Variants in ADGRL2 observed in about 807,000 individuals in gnomAD.
ADGRL2 encodes the protein adhesion G protein-coupled receptor L2.
ADGRL2 carries 44 observed loss-of-function variants against 157.4 expected under a neutral mutation model. That is an observed-to-expected ratio of 0.28 (90% CI 0.22 to 0.36). The LOEUF is 0.36. Among genes scored for constraint, ADGRL2 ranks in the 10% least tolerant of loss-of-function variants. The pLI is 1.00. For missense variants in ADGRL2, 1,510 were observed against 1,768.9 expected (o/e 0.85, Z 2.63); for synonymous variants, 585 against 624.7 (o/e 0.94, Z 0.95).
chr1:81,808,278 T>G (rs1473551901), intron 1 of ADGRL2, among the ~76,000 whole-genome samples: 1 of 151,984 alleles, frequency 6.6e-6, no homozygotes, highest in African/African-American at 2.4e-5. Flanking sequence ...AAAAAATCAA[T>G]TTAGGTTGAA....
chr1:81,969,761 T>C (rs1658175244), intron 15 of ADGRL2, among the ~76,000 whole-genome samples: 1 of 152,186 alleles, frequency 6.6e-6, no homozygotes, highest in African/African-American at 2.4e-5. Flanking sequence ...TCATGAGGTC[T>C]TAATATCAGA....
At position 81,944,693 on chromosome 1, in the gene ADGRL2, A is replaced by G. The variant is rs1357683057; in HGVS notation, c.1210+924A>G. Among the ~76,000 whole-genome samples, 3 of 152,072 alleles carry G rather than the reference A, an allele frequency of 2.0e-5. No homozygotes were observed. In the East Asian group the frequency reaches 5.8e-4, roughly 29 times the overall value. The stretch of plus-strand genomic sequence containing the variant: ...AATCTTGAAATTATTGCATTATTTC[A>G]AAATTTTAGGAACTAGAAAGTTCTT... On this transcript the variant is annotated intron_variant, in intron 6 of 23. Transcript: ENST00000686636.
At chr1:81,372,978 G>A (rs1337152387) in intron 1 of ADGRL2, among the ~76,000 whole-genome samples, 1 of 152,112 alleles carries the variant, frequency 6.6e-6, no homozygotes, top group Non-Finnish European at 1.5e-5. Flanking sequence ...GAGAGAGCTT[G>A]TTAAAACAGA....
chr1:81,347,485 C>T (rs772162901), intron 1 of ADGRL2, among the ~76,000 whole-genome samples: 3 of 152,078 alleles, frequency 2.0e-5, no homozygotes, highest in Non-Finnish European at 1.5e-5. Flanking sequence ...TTATAAAATA[C>T]GAAGGAGCTG....
chr1:81,496,484 T>C (rs1418945878), intron 2 of ADGRL2, among the ~76,000 whole-genome samples: 2 of 152,170 alleles, frequency 1.3e-5, no homozygotes, highest in African/African-American at 2.4e-5. Context: ...TTCTGTGGAT[T>C]TGAAAAGAGA....
intron 3 of ADGRL2, among the ~76,000 whole-genome samples, chr1:81,922,836 T>G (rs2095018746): frequency 6.6e-6 from 1 of 152,150 alleles, no homozygotes; most frequent in Non-Finnish European, 1.5e-5. Flanking sequence ...ACCAAAATAG[T>G]GAGACCCCAT....
chr1:81,898,124 A>G (rs983484122), intron 2 of ADGRL2, among the ~76,000 whole-genome samples: 2 of 152,156 alleles, frequency 1.3e-5, no homozygotes, highest in Non-Finnish European at 2.9e-5. Flanking sequence ...CAGACAAACA[A>G]AAAAACAGCT....
chr1:81,504,913 A>C (rs965604155), intron 2 of ADGRL2, among the ~76,000 whole-genome samples: 16 of 152,200 alleles, frequency 1.1e-4, no homozygotes, highest in Non-Finnish European at 2.1e-4. Flanking sequence ...GCGCGGGAGC[A>C]GGCGGCTCCT....
intron 2 of ADGRL2, among the ~76,000 whole-genome samples, chr1:81,554,614 G>T (rs1420947302): frequency 7.2e-5 from 11 of 151,842 alleles, no homozygotes; most frequent in Non-Finnish European, 2.9e-5. Context: ...TAACCGCTTT[G>T]CAAGAATGCC....
chr1:81,638,391 C>A (rs1323425274), intron 3 of ADGRL2, among the ~76,000 whole-genome samples: 1 of 152,090 alleles, frequency 6.6e-6, no homozygotes, highest in East Asian at 1.9e-4. Flanking sequence ...TTTCATTTTT[C>A]TTATTCTTAA....
intron 2 of ADGRL2, among the ~76,000 whole-genome samples, chr1:81,873,760 G>T (rs951245790): frequency 6.6e-6 from 1 of 152,010 alleles, no homozygotes; most frequent in Non-Finnish European, 1.5e-5. Context: ...TTGATTCTTA[G>T]TCCCACCCTG....
intron 2 of ADGRL2, among the ~76,000 whole-genome samples, chr1:81,850,077 T>G (rs1238995466): frequency 6.6e-6 from 1 of 151,920 alleles, no homozygotes; most frequent in Non-Finnish European, 1.5e-5. Context: ...AACAGCCACA[T>G]TAATTTTAAA....
At chr1:81,628,621 C>A (rs1169368680) in intron 3 of ADGRL2, among the ~76,000 whole-genome samples, 1 of 152,092 alleles carries the variant, frequency 6.6e-6, no homozygotes, top group Non-Finnish European at 1.5e-5. Context: ...ATTTCCTCAG[C>A]AAATTAGTTT....
chr1:81,461,162 C>T (rs1326665081), intron 2 of ADGRL2, among the ~76,000 whole-genome samples: 2 of 152,060 alleles, frequency 1.3e-5, no homozygotes, highest in African/African-American at 2.4e-5. Context: ...TGTCCTTTGG[C>T]GATATTTCTA....
intron 1 of ADGRL2, among the ~76,000 whole-genome samples, chr1:81,392,728 C>A (rs541686946): frequency 6.6e-6 from 1 of 151,982 alleles, no homozygotes; most frequent in South Asian, 2.1e-4. Context: ...TGCCAACTGG[C>A]AAAGTTTCTT....
chr1:81,972,056 A>G (rs1658915784), intron 17 of ADGRL2, 138 bp downstream of exon 17: 2 of 433,966 alleles, frequency 4.6e-6, no homozygotes, highest in Non-Finnish European at 8.1e-6. Context: ...GGATAATAGT[A>G]TATTTTAAAT....
intron 3 of ADGRL2, among the ~76,000 whole-genome samples, chr1:81,583,901 A>G (rs1282335477): frequency 1.3e-5 from 2 of 152,188 alleles, no homozygotes; most frequent in Non-Finnish European, 2.9e-5. Context: ...CATTTGAAAG[A>G]GGGCAAAATC....
intron 2 of ADGRL2, among the ~76,000 whole-genome samples, chr1:81,507,718 G>T (rs2079003656): frequency 6.6e-6 from 1 of 152,188 alleles, no homozygotes; most frequent in South Asian, 2.1e-4. Context: ...TGATTTCATT[G>T]ACAGGGGCTC....
chr1:81,459,183 A>G (rs1044878016), intron 2 of ADGRL2, among the ~76,000 whole-genome samples: 1 of 151,872 alleles, frequency 6.6e-6, no homozygotes, highest in African/African-American at 2.4e-5. Context: ...GGAAGTTCTC[A>G]CTCTGGTTGT....
Sources: gnomAD v4.1 joint callset for allele counts (sites outside exome capture counted in the v4.1 genomes callset) on GRCh38, gnomAD v4.1.1 for gene constraint, MANE v1.5 for transcripts, NCBI Gene and HGNC (gene_info 2026-07-23, HGNC 2026-07-21) for gene names.